TRIM40: variants seen among roughly 807,000 people sequenced by gnomAD.
TRIM40 encodes the protein E3 ubiquitin ligase TRIM40.
In TRIM40, 27 loss-of-function variants were observed where a neutral mutation model predicts 26.1. The ratio of observed to expected loss-of-function variants is 1.04; its 90% CI spans 0.76 to 1.43. The LOEUF is 1.43. Ranked by LOEUF, TRIM40 falls within the 40% of genes most tolerant of loss-of-function variation. The probability of loss-of-function intolerance (pLI) is 0.00; values close to 1 mark genes in which losing one functional copy is unlikely to be tolerated. For missense variants in TRIM40, 289 were observed against 307.9 expected (o/e 0.94, Z 0.46); for synonymous variants, 114 against 120.0 (o/e 0.95, Z 0.33).
chr6:30,147,879 T>C lies in TRIM40; in HGVS notation c.*67T>C. The C allele has an allele frequency of 7.1e-7, 1 of 1,408,964 alleles. No homozygotes were observed. Among genetic ancestry groups the C allele is most frequent in the East Asian group, 2.3e-5 (1 of 43,928 alleles). The allele number at this position is 1,408,964 out of a possible 1,614,324, so 87.3% of individuals were successfully genotyped here. On this transcript the variant is annotated 3_prime_UTR_variant, in exon 6 of 6. Coordinates refer to ENST00000396581, the MANE Select transcript of TRIM40 (RefSeq NM_001286633.2). ...CCTCCTCTCTCTCCTTCCTCCAACC[T>C]GTCCAGGCCCCCACTGGGTCTACCC...
intron 3 of TRIM40, 90 bp downstream of exon 3, chr6:30,146,179 C>T: frequency 1.8e-6 from 2 of 1,100,554 alleles, no homozygotes; most frequent in Non-Finnish European, 2.7e-6. Flanking sequence ...GTCCCTGGAA[C>T]AGCCTGATGT....
intron 3 of TRIM40, among the ~76,000 whole-genome samples, chr6:30,146,551 C>T (rs1347419966): frequency 6.6e-6 from 1 of 152,160 alleles, no homozygotes; most frequent in Non-Finnish European, 1.5e-5. Flanking sequence ...ACTGGGACTA[C>T]AGGCACTTGC....
chr6:30,146,907 TG>T, intron 3 of TRIM40, 77 bp from the exon 4 acceptor site: 1 of 1,413,650 alleles, frequency 7.1e-7, no homozygotes, highest in South Asian at 1.3e-5. Context: ...TCAGCATTCC[TG>T]CTCAGACATT....
At chr6:30,145,955 C>T in intron 2 of TRIM40, 39 bp from the exon 3 acceptor site, 7 of 1,566,946 alleles carry the variant, frequency 4.5e-6, no homozygotes, top group Non-Finnish European at 6.1e-6. Context: ...GTGCCCCCCT[C>T]ACTCCCAGTC....
Position 30,147,952 on chromosome 6 carries a change from A to G in TRIM40, c.*140A>G, listed in dbSNP as rs1771775501. ...CTCCTGAACATGTCACCATTTCTTCATGTCCACAGTCATCACCTGATGCCT... is the reference window on the plus strand; with the variant it reads ...CTCCTGAACATGTCACCATTTCTTCGTGTCCACAGTCATCACCTGATGCCT... On this transcript the variant is annotated 3_prime_UTR_variant, in exon 6 of 6. Transcript: ENST00000396581. 2.5e-5 allele frequency: 17 copies of G among 685,006 alleles called. No homozygotes were observed. The highest frequency in any genetic ancestry group is 4.4e-5 in the Non-Finnish European group (17 of 389,122). The allele number at this position is 685,006 out of a possible 1,614,324, so 42.4% of individuals were successfully genotyped here.
chr6:30,147,484 G>C (rs1197305875), intron 4 of TRIM40, 36 bp from the exon 5 acceptor site: 1 of 1,613,562 alleles, frequency 6.2e-7, no homozygotes, highest in African/African-American at 1.3e-5. Context: ...AGGAACCTGA[G>C]AACCAATTAT....
Position 30,147,959 on chromosome 6 carries a change from C to T in TRIM40, c.*147C>T, listed in dbSNP as rs1417697537. 3 of 657,628 alleles carry T rather than the reference C, an allele frequency of 4.6e-6. No individual in the cohort carries two copies. In the East Asian group the frequency reaches 8.1e-5, roughly 18 times the overall value. The allele number at this position is 657,628 out of a possible 1,614,324, so 40.7% of individuals were successfully genotyped here. A position where few individuals can be genotyped will look rare whatever the true frequency, so the allele number is the denominator to read the frequency against. On this transcript the variant is annotated 3_prime_UTR_variant, in exon 6 of 6. Coordinates refer to ENST00000396581, the MANE Select transcript of TRIM40 (RefSeq NM_001286633.2). ...ACATGTCACCATTTCTTCATGTCCACAGTCATCACCTGATGCCTGACCCTC... is the reference window on the plus strand; with the variant it reads ...ACATGTCACCATTTCTTCATGTCCATAGTCATCACCTGATGCCTGACCCTC...
Position 30,136,946 on chromosome 6 carries a change from T to C in TRIM40, c.-91T>C, listed in dbSNP as rs960793641. The C allele has an allele frequency of 3.0e-6, 4 of 1,340,224 alleles. No individual in the cohort carries two copies. The highest frequency in any genetic ancestry group is 2.9e-5 in the African/African-American group (2 of 68,196). 83.0% of individuals were successfully genotyped at this position (1,340,224 alleles called of 1,614,324 possible). ...CTGCCTCCTTCCGACTGGGCCTTCT[T>C]ATCTGGGACTGTTGAGGGCAACAGG... On this transcript the variant is annotated 5_prime_UTR_variant, in exon 2 of 6. Coordinates refer to ENST00000396581, the MANE Select transcript of TRIM40 (RefSeq NM_001286633.2).
chr6:30,142,424 C>T (rs1771400954), intron 2 of TRIM40, among the ~76,000 whole-genome samples: 1 of 152,108 alleles, frequency 6.6e-6, no homozygotes, highest in Admixed American at 6.6e-5. Context: ...CTGCATTTTC[C>T]CCTAGAATCA....
At chr6:30,147,423 C>T in intron 4 of TRIM40, 97 bp from the exon 5 acceptor site, 4 of 1,577,720 alleles carry the variant, frequency 2.5e-6, no homozygotes, top group Non-Finnish European at 2.6e-6. Flanking sequence ...CTCAAGGTGG[C>T]ACCCCAGAGT....
chr6:30,143,969 T>C (rs1245682229), intron 2 of TRIM40, among the ~76,000 whole-genome samples: 1 of 152,184 alleles, frequency 6.6e-6, no homozygotes, highest in Non-Finnish European at 1.5e-5. Flanking sequence ...CTTTTTGAAC[T>C]GGACCTTAAT....
At position 30,136,884 on chromosome 6, in the gene TRIM40, C is replaced by A; in HGVS notation, c.-153C>A. 1.4e-6 allele frequency: 1 copy of A among 694,662 alleles called. No homozygotes were observed. The highest frequency in any genetic ancestry group is 2.4e-6 in the Non-Finnish European group (1 of 422,652). 43.0% of individuals were successfully genotyped at this position (694,662 alleles called of 1,614,324 possible). A position where few individuals can be genotyped will look rare whatever the true frequency, so the allele number is the denominator to read the frequency against. ...GAGGGAGAGTGGGCAATTGCCTGAACTTGGAGGCTGTGTCCTGTCCCCAGG... is the reference window on the plus strand; with the variant it reads ...GAGGGAGAGTGGGCAATTGCCTGAAATTGGAGGCTGTGTCCTGTCCCCAGG... On this transcript the variant is annotated 5_prime_UTR_variant, in exon 2 of 6. Coordinates refer to ENST00000396581, the MANE Select transcript of TRIM40 (RefSeq NM_001286633.2).
intron 3 of TRIM40, among the ~76,000 whole-genome samples, chr6:30,146,329 G>T (rs1461930731): frequency 6.6e-6 from 1 of 152,162 alleles, no homozygotes; most frequent in Non-Finnish European, 1.5e-5. Context: ...GCTCTGCCTG[G>T]ATCACAGTAG....
In TRIM40 at chr6:30,147,960, A is replaced by C; in HGVS notation, c.*148A>C. ...CATGTCACCATTTCTTCATGTCCAC[A>C]GTCATCACCTGATGCCTGACCCTCT... On this transcript the variant is annotated 3_prime_UTR_variant, in exon 6 of 6. Coordinates refer to ENST00000396581, the MANE Select transcript of TRIM40 (RefSeq NM_001286633.2). 1 of 658,254 alleles carries C rather than the reference A, an allele frequency of 1.5e-6. No homozygotes were observed. The highest frequency in any genetic ancestry group is 2.7e-5 in the East Asian group (1 of 37,168). 40.8% of individuals were successfully genotyped at this position (658,254 alleles called of 1,614,324 possible).
chr6:30,142,397 C>G (rs1771398918), intron 2 of TRIM40, among the ~76,000 whole-genome samples: 1 of 152,134 alleles, frequency 6.6e-6, no homozygotes, highest in African/African-American at 2.4e-5. Flanking sequence ...AGGCTTTTAT[C>G]CATGAAGACT....
At chr6:30,137,940 G>C (rs967975399) in intron 2 of TRIM40, among the ~76,000 whole-genome samples, 1 of 152,050 alleles carries the variant, frequency 6.6e-6, no homozygotes, top group Non-Finnish European at 1.5e-5. Flanking sequence ...AGAAAGCACT[G>C]AAAGGTATAA....
chr6:30,140,311 G>A (rs1771270311), intron 2 of TRIM40, among the ~76,000 whole-genome samples: 3 of 152,098 alleles, frequency 2.0e-5, no homozygotes, highest in South Asian at 4.1e-4. Flanking sequence ...CAAAGACTTG[G>A]AACCAACCCA....
intron 2 of TRIM40, among the ~76,000 whole-genome samples, chr6:30,143,042 A>G (rs1315078716): frequency 1.3e-5 from 2 of 152,108 alleles, no homozygotes; most frequent in Admixed American, 6.6e-5. Flanking sequence ...AGATCATTCC[A>G]TAAGATTTTA....
chr6:30,144,767 CAACTT>C (rs1487076324), intron 2 of TRIM40, among the ~76,000 whole-genome samples: 2 of 152,144 alleles, frequency 1.3e-5, no homozygotes, highest in Non-Finnish European at 2.9e-5. Context: ...CAACACCAAA[CAACTT>C]GACTGTGAGG....
Sources: gnomAD v4.1 joint callset for allele counts (sites outside exome capture counted in the v4.1 genomes callset) on GRCh38, gnomAD v4.1.1 for gene constraint, MANE v1.5 for transcripts, NCBI Gene and HGNC (gene_info 2026-07-23, HGNC 2026-07-21) for gene names.